The following CLRN1 variants were observed in gnomAD, a reference collection of about 807,000 sequenced individuals.
The protein encoded by CLRN1 is clarin 1.
In CLRN1, 15 loss-of-function variants were observed where a neutral mutation model predicts 18.7. The observed-to-expected ratio is 0.80, with a 90% CI of 0.54 to 1.23. The LOEUF is 1.23. Among genes scored for constraint, CLRN1 ranks in the 50% most tolerant of loss-of-function variants. The probability of loss-of-function intolerance (pLI) is 0.00; values close to 1 mark genes in which losing one functional copy is unlikely to be tolerated. For synonymous variants in CLRN1, 104 were observed against 102.9 expected (o/e 1.01, Z -0.07); for missense variants, 311 against 277.5 (o/e 1.12, Z -0.86).
chr3:150,926,474 T>A, downstream of CLRN1: 1 of 373,600 alleles, frequency 2.7e-6, no homozygotes, highest in Non-Finnish European at 5.0e-6. Context: ...CTCTAGCCTG[T>A]TACCAAAAAA....
intron 2 of CLRN1, among the ~76,000 whole-genome samples, chr3:150,931,602 G>C (rs1029656690): frequency 2.0e-5 from 3 of 152,154 alleles, no homozygotes; most frequent in Non-Finnish European, 4.4e-5. Context: ...GTTTCAAGAG[G>C]CATGGTCAGA....
At chr3:150,934,509 G>T (rs1713341294) in intron 2 of CLRN1, among the ~76,000 whole-genome samples, 1 of 152,126 alleles carries the variant, frequency 6.6e-6, no homozygotes, top group Non-Finnish European at 1.5e-5. Flanking sequence ...CATTTTGGTG[G>T]TTTTTATCAC....
intron 1 of CLRN1, among the ~76,000 whole-genome samples, chr3:150,972,186 A>G (rs1462077322): frequency 1.3e-5 from 2 of 152,188 alleles, no homozygotes; most frequent in African/African-American, 2.4e-5. Context: ...TTTTTACATA[A>G]ATATTAATAC....
intron 1 of CLRN1, chr3:150,942,535 T>C: frequency 2.3e-6 from 1 of 440,184 alleles, no homozygotes; most frequent in East Asian, 7.4e-5. Context: ...AGTGCTTAAG[T>C]TATTCACTGA....
At chr3:150,953,937 CT>C (rs1204086042) in intron 1 of CLRN1, among the ~76,000 whole-genome samples, 1 of 152,194 alleles carries the variant, frequency 6.6e-6, no homozygotes, top group Admixed American at 6.5e-5. Flanking sequence ...AGTGAAGTAA[CT>C]TGCCCAAAGT....
intron 2 of CLRN1, among the ~76,000 whole-genome samples, chr3:150,940,804 A>G (rs529498209): frequency 8.5e-5 from 13 of 152,244 alleles, no homozygotes; most frequent in Admixed American, 2.6e-4. Context: ...TGGGTTTTAT[A>G]TTCTTTTCCA....
chr3:150,935,177 G>A (rs190546234), intron 2 of CLRN1, among the ~76,000 whole-genome samples: 18 of 151,444 alleles, frequency 1.2e-4, no homozygotes, highest in Non-Finnish European at 4.4e-5. Context: ...AAGTTTTAGG[G>A]TACGTGTGCT....
At chr3:150,926,443 C>T (rs866165065), downstream of CLRN1, 1 of 355,060 alleles carries the variant, frequency 2.8e-6, no homozygotes, top group East Asian at 7.3e-5. Flanking sequence ...ACCATTTCAG[C>T]TAAAGACTTA....
At chr3:150,942,045 A>T (rs1396366709) in intron 1 of CLRN1, among the ~76,000 whole-genome samples, 1 of 152,106 alleles carries the variant, frequency 6.6e-6, no homozygotes, top group Non-Finnish European at 1.5e-5. Flanking sequence ...CTGGCTTTAT[A>T]ACCCAAATCT....
chr3:150,935,830 T>C (rs201065873), intron 2 of CLRN1, among the ~76,000 whole-genome samples: 1,768 of 106,754 alleles, frequency 0.017, 49 homozygotes, highest in Middle Eastern at 0.047. Flanking sequence ...TTTTAATGAT[T>C]GCCATTTGAA....
chr3:150,950,809 T>G (rs553712869), intron 1 of CLRN1, among the ~76,000 whole-genome samples: 39 of 152,216 alleles, frequency 2.6e-4, no homozygotes, highest in African/African-American at 9.1e-4. Flanking sequence ...ACCAGAAGAA[T>G]AGAAATCATT....
rs1715590771 is a variant in CLRN1 at position 150,972,529 on chromosome 3, T to A, written c.180A>T (p.Glu60Asp). ...CTCCGTGGAAAAGCCCGTACTGCAT[T>A]TCACCCATAAACTTGTCCAGCTCCT... ...SGQELDKFMG[E>D]MQYGLFHGEG... The change falls in exon 1 of 3, where the codon GAA becomes GAT. Residue 60 changes from glutamate (E) to aspartate (D), a missense_variant. Physicochemically the swap from Glu to Asp is conservative, Grantham distance 45. Transcript: ENST00000327047. 6.2e-7 allele frequency: 1 copy of A among 1,614,168 alleles called. No individual in the cohort carries two copies. Among genetic ancestry groups the A allele is most frequent in the East Asian group, 2.2e-5 (1 of 44,882 alleles).
At chr3:150,958,305 C>G (rs887436435) in intron 1 of CLRN1, among the ~76,000 whole-genome samples, 1 of 152,146 alleles carries the variant, frequency 6.6e-6, no homozygotes, top group Non-Finnish European at 1.5e-5. Flanking sequence ...ATTTCCCTTC[C>G]TTTCTATTTC....
At chr3:150,961,079 A>C (rs1193684018) in intron 1 of CLRN1, among the ~76,000 whole-genome samples, 1 of 152,258 alleles carries the variant, frequency 6.6e-6, no homozygotes, top group Non-Finnish European at 1.5e-5. Context: ...ACAAAGCATA[A>C]GACCTTCATG....
At chr3:150,968,108 T>A (rs1047007265) in intron 1 of CLRN1, among the ~76,000 whole-genome samples, 2 of 152,340 alleles carry the variant, frequency 1.3e-5, no homozygotes, top group Non-Finnish European at 2.9e-5. Context: ...TAATTCCATA[T>A]GTTTTTGCCA....
chr3:150,934,908 C>T (rs898498613), intron 2 of CLRN1, among the ~76,000 whole-genome samples: 5 of 151,974 alleles, frequency 3.3e-5, no homozygotes, highest in Admixed American at 6.6e-5. Context: ...TCTGCCTTCT[C>T]CTGCCCGCAC....
chr3:150,930,118 C>T (rs1713060104), intron 2 of CLRN1, among the ~76,000 whole-genome samples: 1 of 152,170 alleles, frequency 6.6e-6, no homozygotes, highest in African/African-American at 2.4e-5. Flanking sequence ...CAATTACTAA[C>T]CAATTACAGT....
intron 1 of CLRN1, among the ~76,000 whole-genome samples, chr3:150,950,866 A>G (rs1714449374): frequency 6.6e-6 from 1 of 152,238 alleles, no homozygotes. Flanking sequence ...AGCACTATTC[A>G]CAATTCTGAA....
At chr3:150,964,285 G>A (rs772562369) in intron 1 of CLRN1, among the ~76,000 whole-genome samples, 28 of 151,946 alleles carry the variant, frequency 1.8e-4, no homozygotes, top group African/African-American at 6.0e-4. Flanking sequence ...ACATTTATAC[G>A]GCCAACAAAC....
Sources: allele counts gnomAD v4.1 joint callset (sites outside exome capture counted in the v4.1 genomes callset), GRCh38; gene constraint gnomAD v4.1.1; transcripts MANE v1.5; gene names NCBI Gene and HGNC (gene_info 2026-07-23, HGNC 2026-07-21).